Variants in SLC8A3 observed in about 807,000 individuals in gnomAD.
SLC8A3 encodes sodium/calcium exchanger 3.
A neutral mutation model predicts 65.4 loss-of-function variants in SLC8A3; 37 were observed. That is an observed-to-expected ratio of 0.57 (90% confidence interval 0.44 to 0.74). The LOEUF (loss-of-function observed/expected upper bound fraction) is 0.74, where lower values mean the gene tolerates loss of function less well. Ranked by LOEUF, SLC8A3 falls within the 30% of genes least tolerant of loss-of-function variation. The pLI is 0.00. For synonymous variants in SLC8A3, 461 were observed against 444.5 expected (o/e 1.04, Z -0.47); for missense variants, 1,112 against 1,172.1 (o/e 0.95, Z 0.75).
At chr14:70,108,923 T>C (rs1893070553) in intron 2 of SLC8A3, among the ~76,000 whole-genome samples, 1 of 152,196 alleles carries the variant, frequency 6.6e-6, no homozygotes, top group Non-Finnish European at 1.5e-5. Flanking sequence ...CCTAGACTGC[T>C]CTTTCACCAA....
At chr14:70,074,188 T>G (rs1347123805) in intron 2 of SLC8A3, among the ~76,000 whole-genome samples, 3 of 152,216 alleles carry the variant, frequency 2.0e-5, no homozygotes, top group Non-Finnish European at 4.4e-5. Flanking sequence ...GCCTACAGGT[T>G]GCATGTTAGC....
chr14:70,131,938 A>AG (rs1894857593), intron 2 of SLC8A3, among the ~76,000 whole-genome samples: 1 of 152,224 alleles, frequency 6.6e-6, no homozygotes, highest in Admixed American at 6.5e-5. Context: ...GGAGGAGGAC[A>AG]GACATCTCCA....
intron 2 of SLC8A3, among the ~76,000 whole-genome samples, chr14:70,095,298 GCC>G (rs1322995934): frequency 6.6e-6 from 1 of 152,212 alleles, no homozygotes; most frequent in Non-Finnish European, 1.5e-5. Context: ...CCCCTGGCCA[GCC>G]AGTGCTCTGA....
intron 2 of SLC8A3, among the ~76,000 whole-genome samples, chr14:70,102,499 G>T (rs1325678106): frequency 6.6e-6 from 1 of 152,088 alleles, no homozygotes; most frequent in African/African-American, 2.4e-5. Context: ...ATAAGGTAAA[G>T]ATCACTCAAT....
rs1424599291 is a variant in SLC8A3, at chr14:70,187,827, G to T, written c.-63+552C>A. On this transcript the variant is annotated intron_variant, in intron 1 of 6. Transcript: ENST00000356921. ...GGGGCTGCAGCTCCCGACCCGCGGCGGTGGAGTCCCGAGATTGGGGTGAGC... is the reference window on the plus strand; with the variant it reads ...GGGGCTGCAGCTCCCGACCCGCGGCTGTGGAGTCCCGAGATTGGGGTGAGC... Among the ~76,000 whole-genome samples, 7 of 152,110 alleles carry T rather than the reference G, an allele frequency of 4.6e-5. No individual in the cohort carries two copies. In the East Asian group the frequency reaches 1.4e-3, roughly 29 times the overall value.
chr14:70,055,707 A>T (rs1478983088), intron 3 of SLC8A3: 3 of 1,092,076 alleles, frequency 2.7e-6, no homozygotes, highest in Non-Finnish European at 4.0e-6. Flanking sequence ...TGCAGTTCTT[A>T]TTCAATAAAT....
chr14:70,091,295 T>C (rs1481871180), intron 2 of SLC8A3, among the ~76,000 whole-genome samples: 1 of 152,222 alleles, frequency 6.6e-6, no homozygotes, highest in Non-Finnish European at 1.5e-5. Context: ...GCTCCTTTTT[T>C]AATAACAAAA....
chr14:70,047,341 GTTA>G, intron 6 of SLC8A3: 1 of 152,112 alleles, frequency 6.6e-6, no homozygotes, highest in South Asian at 2.1e-4. Context: ...TGTTTCTGTT[GTTA>G]TTGTTGTTTT....
At chr14:70,071,928 C>T (rs1189877247) in intron 2 of SLC8A3, among the ~76,000 whole-genome samples, 1 of 152,116 alleles carries the variant, frequency 6.6e-6, no homozygotes, top group Non-Finnish European at 1.5e-5. Context: ...CACAGACTCC[C>T]CTTTTGCTTT....
intron 2 of SLC8A3, among the ~76,000 whole-genome samples, chr14:70,161,679 G>T (rs1422078354): frequency 1.3e-5 from 2 of 152,128 alleles, no homozygotes; most frequent in Non-Finnish European, 2.9e-5. Flanking sequence ...GCACAGAAAG[G>T]GTATTCTAGA....
chr14:70,084,606 T>C (rs531845456), intron 2 of SLC8A3, among the ~76,000 whole-genome samples: 1 of 152,208 alleles, frequency 6.6e-6, no homozygotes, highest in Non-Finnish European at 1.5e-5. Context: ...TCCATCTCTC[T>C]CCAATGCTCA....
intron 2 of SLC8A3, among the ~76,000 whole-genome samples, chr14:70,164,111 A>G (rs971723409): frequency 5.9e-5 from 9 of 152,296 alleles, no homozygotes; most frequent in Admixed American, 1.3e-4. Flanking sequence ...TACCAGGTAC[A>G]CCGCATACAA....
intron 2 of SLC8A3, among the ~76,000 whole-genome samples, chr14:70,125,832 T>C (rs1894411139): frequency 6.6e-6 from 1 of 152,180 alleles, no homozygotes; most frequent in Non-Finnish European, 1.5e-5. Context: ...TTAATTAGTC[T>C]GAGATGGATC....
intron 2 of SLC8A3, among the ~76,000 whole-genome samples, chr14:70,139,602 T>C (rs1895435787): frequency 6.6e-6 from 1 of 152,166 alleles, no homozygotes; most frequent in Admixed American, 6.5e-5. Flanking sequence ...TTGACCTTAG[T>C]TACTTGTGAA....
chr14:70,124,193 C>A (rs1304141375), intron 2 of SLC8A3, among the ~76,000 whole-genome samples: 1 of 152,142 alleles, frequency 6.6e-6, no homozygotes, highest in Non-Finnish European at 1.5e-5. Flanking sequence ...AACTAGGAAT[C>A]TGACCTCAGA....
At chr14:70,176,896 G>T (rs1897942405) in intron 1 of SLC8A3, among the ~76,000 whole-genome samples, 1 of 152,158 alleles carries the variant, frequency 6.6e-6, no homozygotes, top group Non-Finnish European at 1.5e-5. Flanking sequence ...TCCTTTCACT[G>T]ATAATAGCTT....
chr14:70,131,457 G>A (rs754141000), intron 2 of SLC8A3, among the ~76,000 whole-genome samples: 9 of 152,184 alleles, frequency 5.9e-5, no homozygotes, highest in South Asian at 2.1e-4. Context: ...TCATTGAGGC[G>A]AACATAATAA....
chr14:70,122,675 C>T (rs1894155535), intron 2 of SLC8A3, among the ~76,000 whole-genome samples: 1 of 151,644 alleles, frequency 6.6e-6, no homozygotes, highest in African/African-American at 2.4e-5. Context: ...AACAAACAAA[C>T]AACAACAACA....
chr14:70,053,803 C>T (rs545009518), intron 3 of SLC8A3, among the ~76,000 whole-genome samples: 20 of 152,196 alleles, frequency 1.3e-4, no homozygotes, highest in Non-Finnish European at 2.4e-4. Flanking sequence ...CACAGAGGCT[C>T]TCTGTATATA....
Sources: allele counts gnomAD v4.1 joint callset (sites outside exome capture counted in the v4.1 genomes callset), GRCh38; gene constraint gnomAD v4.1.1; transcripts MANE v1.5; gene names NCBI Gene and HGNC (gene_info 2026-07-23, HGNC 2026-07-21).